Variants in ATCAY observed in about 807,000 individuals in gnomAD.
ATCAY encodes the protein caytaxin.
In ATCAY, 22 loss-of-function variants were observed where a neutral mutation model predicts 47.7. That is an observed-to-expected ratio of 0.46 (90% CI 0.33 to 0.66). The LOEUF (loss-of-function observed/expected upper bound fraction) is 0.66, where lower values mean the gene tolerates loss of function less well. Ranked by LOEUF, ATCAY falls within the 30% of genes least tolerant of loss-of-function variation. The probability of loss-of-function intolerance (pLI) is 0.02; values close to 1 mark genes in which losing one functional copy is unlikely to be tolerated. For missense variants in ATCAY, 452 were observed against 515.0 expected, an observed-to-expected ratio of 0.88 and a Z score of 1.18; for synonymous variants, 216 against 207.6, an observed-to-expected ratio of 1.04 and a Z score of -0.35.
At chr19:3,915,430 C>T (rs946045485) in intron 9 of ATCAY, among the ~76,000 whole-genome samples, 12 of 152,086 alleles carry the variant, frequency 7.9e-5, no homozygotes, top group African/African-American at 2.4e-4. Flanking sequence ...GATGATCTAC[C>T]GGCCTCGGCC....
At chr19:3,892,945 T>TCCCATGTCCCTATTTAGCTAATGC (rs1246159594) in intron 2 of ATCAY, among the ~76,000 whole-genome samples, 1 of 151,996 alleles carries the variant, frequency 6.6e-6, no homozygotes, top group Non-Finnish European at 1.5e-5. Flanking sequence ...ACCGATAATG[T>TCCCATGTCCCTATTTAGCTAATGC]CCCATGTCCC....
chr19:3,910,217 G>A (rs1446321309), intron 7 of ATCAY, among the ~76,000 whole-genome samples: 1 of 152,188 alleles, frequency 6.6e-6, no homozygotes, highest in Non-Finnish European at 1.5e-5. Context: ...GTCCTTTTGT[G>A]TCTGGCTTTC....
At chr19:3,911,536 A>AAT (rs1023984809) in intron 8 of ATCAY, among the ~76,000 whole-genome samples, 82 of 149,564 alleles carry the variant, frequency 5.5e-4, no homozygotes, top group South Asian at 1.7e-3. Context: ...CTAAAAATAA[A>AAT]ATATATATAT....
chr19:3,889,425 T>C (rs2038693332), intron 2 of ATCAY, among the ~76,000 whole-genome samples: 1 of 150,602 alleles, frequency 6.6e-6, no homozygotes, highest in Non-Finnish European at 1.5e-5. Context: ...AATAAATAAA[T>C]AAAAATAAAA....
chr19:3,888,598 C>G (rs62133056), intron 2 of ATCAY, among the ~76,000 whole-genome samples: 22,966 of 152,000 alleles, frequency 0.15, 1,838 homozygotes, highest in Admixed American at 0.23. Context: ...CCACTGGACT[C>G]CAGCCCGGGC....
chr19:3,920,861 G>C (rs1464425069), intron 12 of ATCAY, 63 bp downstream of exon 12: 2 of 1,583,088 alleles, frequency 1.3e-6, no homozygotes, highest in Non-Finnish European at 1.7e-6. Context: ...ACCTGTATTA[G>C]TCAGGGTTCT....
rs752620661 is a variant in ATCAY at position 3,905,561 on chromosome 19, T to A, written c.264T>A (p.Pro88=). The change falls in exon 4 of 13, where the codon CCT becomes CCA. Residue 88 remains proline (P), a synonymous_variant. Transcript: ENST00000450849. ...TGTCCGATGACTTCTTGGATACCCCTGATGACCTGGATATTAACGTGGATG... is the reference window on the plus strand; with the variant it reads ...TGTCCGATGACTTCTTGGATACCCCAGATGACCTGGATATTAACGTGGATG... ...SLLSDDFLDT[P]DDLDINVDDI... is the part of the protein sequence containing the mutation. 3 of 1,613,792 alleles carry A rather than the reference T, an allele frequency of 1.9e-6. No individual in the cohort carries two copies. The Admixed American group carries it at 5.0e-5, about 27-fold the overall frequency.
intron 2 of ATCAY, among the ~76,000 whole-genome samples, chr19:3,899,391 G>A (rs528216893): frequency 7.5e-6 from 1 of 132,670 alleles, no homozygotes; most frequent in South Asian, 2.5e-4. Flanking sequence ...TCGGCTCACC[G>A]CAACCTCCGC....
chr19:3,905,938 C>T (rs1238318206), intron 4 of ATCAY, among the ~76,000 whole-genome samples: 1 of 151,696 alleles, frequency 6.6e-6, no homozygotes, highest in Non-Finnish European at 1.5e-5. Context: ...TTTGGGAGGC[C>T]GAGGCGGGCA....
chr19:3,908,320 T>C lies in ATCAY; in HGVS notation c.597T>C (p.Leu199=), dbSNP rs2038884533. ...TCATCGTCTTCGCAGCCTGCTTCCT[T>C]CCAGACAGCAGCCTCCCCGACTACC... The part of the protein sequence containing the change: ...NAIIVFAACF[L]PDSSLPDYHY... Residue 199 remains leucine, a synonymous_variant, in exon 6 of 13, where the codon CTT becomes CTC. Transcript: ENST00000450849. 1 of 1,595,018 alleles carries C rather than the reference T, an allele frequency of 6.3e-7. No homozygotes were observed.
intron 2 of ATCAY, among the ~76,000 whole-genome samples, chr19:3,891,514 G>A (rs1247194569): frequency 2.0e-5 from 3 of 151,922 alleles, no homozygotes; most frequent in Non-Finnish European, 4.4e-5. Flanking sequence ...AATACAAGGT[G>A]GCAGCTGGGT....
In ATCAY at chr19:3,885,720, C is replaced by T. The variant is rs2038644680; in HGVS notation, c.-41-7C>T. 1 of 1,518,278 alleles carries T rather than the reference C, an allele frequency of 6.6e-7. No homozygotes were observed. The allele number at this position is 1,518,278 out of a possible 1,614,324, so 94.1% of individuals were successfully genotyped here. On this transcript the variant is annotated splice_region_variant and splice_polypyrimidine_tract_variant and intron_variant, in intron 1 of 12. Coordinates refer to ENST00000450849, the MANE Select transcript of ATCAY (RefSeq NM_033064.5). ...GTAAAACCCATTCCTCTGCGGCTTC[C>T]TTTCAGGGGTCATCCCTGCTTCAAG... is the stretch of plus-strand genomic sequence containing the variant.
At chr19:3,913,946 G>C (rs2038944013) in intron 9 of ATCAY, 90 bp downstream of exon 9, 1 of 1,220,034 alleles carries the variant, frequency 8.2e-7, no homozygotes, top group African/African-American at 1.5e-5. Flanking sequence ...TTACAAAAGA[G>C]GTTTAAGGGG....
chr19:3,908,142 G>C, intron 5 of ATCAY, 126 bp from the exon 6 acceptor site: 2 of 1,036,232 alleles, frequency 1.9e-6, no homozygotes, highest in Non-Finnish European at 2.9e-6. Context: ...AGGGGTCGCC[G>C]GCTGCTGTGG....
chr19:3,911,344 T>A (rs926056018), intron 8 of ATCAY, among the ~76,000 whole-genome samples: 4 of 151,910 alleles, frequency 2.6e-5, no homozygotes, highest in African/African-American at 9.7e-5. Context: ...CCAGCCTGGA[T>A]GACAGAGTGA....
intron 2 of ATCAY, among the ~76,000 whole-genome samples, chr19:3,901,016 C>T (rs556392322): frequency 3.3e-5 from 5 of 151,774 alleles, no homozygotes; most frequent in African/African-American, 1.2e-4. Flanking sequence ...ATTCTCCTGC[C>T]TCAGCCTCCT....
At chr19:3,890,247 ATTTTTTTTTTTTTTTTTT>A (rs764697276) in intron 2 of ATCAY, among the ~76,000 whole-genome samples, 9 of 38,570 alleles carry the variant, frequency 2.3e-4, no homozygotes, top group African/African-American at 4.0e-4. Context: ...TCCACCTATA[ATTTTTTTTTTTTTTTTTT>A]TTTTTTTTTT....
intron 9 of ATCAY, among the ~76,000 whole-genome samples, chr19:3,916,776 C>G (rs139210689): frequency 6.6e-6 from 1 of 151,426 alleles, no homozygotes; most frequent in Middle Eastern, 3.2e-3. Context: ...TCGCACCCAG[C>G]CTGTTTTTTG....
chr19:3,918,566 CA>C (rs1261146729), intron 10 of ATCAY, among the ~76,000 whole-genome samples: 2 of 133,644 alleles, frequency 1.5e-5, no homozygotes, highest in Admixed American at 8.0e-5. Flanking sequence ...AAAAAAAAAA[CA>C]AAAAAAAACA....
Sources: gnomAD v4.1 joint callset for allele counts (sites outside exome capture counted in the v4.1 genomes callset) on GRCh38, gnomAD v4.1.1 for gene constraint, MANE v1.5 for transcripts, NCBI Gene and HGNC (gene_info 2026-07-23, HGNC 2026-07-21) for gene names.